The following ACSL6 variants were observed in gnomAD, a reference collection of about 807,000 sequenced individuals.
ACSL6 encodes the protein long-chain-fatty-acid--CoA ligase 6.
In ACSL6, 47 loss-of-function variants were observed where a neutral mutation model predicts 98.2. The observed-to-expected ratio is 0.48, with a 90% confidence interval of 0.38 to 0.61. The LOEUF (loss-of-function observed/expected upper bound fraction) is 0.61, where lower values mean the gene tolerates loss of function less well. ACSL6 is among the 20% of genes least tolerant of loss of function. The probability of loss-of-function intolerance (pLI) is 0.00; values close to 1 mark genes in which losing one functional copy is unlikely to be tolerated. For missense variants in ACSL6, 761 were observed against 913.4 expected (o/e 0.83, Z 2.15); for synonymous variants, 362 against 336.9 (o/e 1.07, Z -0.82).
At chr5:131,993,847 CAGA>C (rs1754651868) in intron 2 of ACSL6, 181 bp downstream of exon 2, 1 of 621,734 alleles carries the variant, frequency 1.6e-6, no homozygotes, top group South Asian at 2.0e-5. Context: ...CTGGGAGAGG[CAGA>C]AGGAGTGCCT....
rs1034493096 is a variant in ACSL6, at chr5:131,950,148, A to G, written c.*4086T>C. ...TCGATTTTTAAAAATTGAAAGTGGA[A>G]TAAGCAATTCTTCAAAAAATATCCA... On this transcript the variant is annotated 3_prime_UTR_variant, in exon 21 of 21. Coordinates refer to ENST00000651883, the MANE Select transcript of ACSL6 (RefSeq NM_001009185.3). 4 of 191,298 alleles carry G rather than the reference A, an allele frequency of 2.1e-5. No individual in the cohort carries two copies. Among genetic ancestry groups the G allele is most frequent in the Non-Finnish European group, 3.3e-5 (3 of 91,408 alleles). 11.9% of individuals were successfully genotyped at this position (191,298 alleles called of 1,614,324 possible). A position where few individuals can be genotyped will look rare whatever the true frequency, so the allele number is the denominator to read the frequency against.
intron 9 of ACSL6, among the ~76,000 whole-genome samples, chr5:131,978,488 C>G (rs1351513999): frequency 6.6e-6 from 1 of 152,154 alleles, no homozygotes; most frequent in Non-Finnish European, 1.5e-5. Flanking sequence ...GGAAAAACAT[C>G]AGAGAGGAAC....
chr5:132,011,393 A>G lies in ACSL6; in HGVS notation c.49+112T>C. The G allele has an allele frequency of 8.5e-7, 1 of 1,179,332 alleles. No homozygotes were observed. Among genetic ancestry groups the G allele is most frequent in the Admixed American group, 1.8e-5 (1 of 54,446 alleles). 73.1% of individuals were successfully genotyped at this position (1,179,332 alleles called of 1,614,324 possible). On this transcript the variant is annotated intron_variant, in intron 1 of 20. Transcript: ENST00000651883. This position sits in a 1 kb window ranked among gnomAD's most constrained non-coding sequence, Gnocchi z 5.4. ...GGGGACCTTGACGGGACAGCTCAGC[A>G]GCAGGGGATGGGGGCTCGGCGGCCG... is the stretch of plus-strand genomic sequence containing the variant.
chr5:131,955,921 T>G (rs1369043067), intron 20 of ACSL6, among the ~76,000 whole-genome samples: 1 of 152,228 alleles, frequency 6.6e-6, no homozygotes, highest in Non-Finnish European at 1.5e-5. Flanking sequence ...AATTTCTTTC[T>G]GTAGAAGCAC....
intron 1 of ACSL6, among the ~76,000 whole-genome samples, chr5:132,009,402 G>C (rs113518032): frequency 1.3e-5 from 2 of 152,244 alleles, no homozygotes; most frequent in Non-Finnish European, 2.9e-5. Flanking sequence ...TGACAAGGCA[G>C]AGCATGTTCT....
chr5:131,991,496 C>G (rs1754510883), intron 2 of ACSL6, among the ~76,000 whole-genome samples: 1 of 152,162 alleles, frequency 6.6e-6, no homozygotes, highest in Admixed American at 6.5e-5. Flanking sequence ...AAGGTTCTGT[C>G]CCAGGCACAG....
At chr5:132,011,813 G>T (rs1447590540), upstream of ACSL6, 10 of 1,479,158 alleles carry the variant, frequency 6.8e-6, no homozygotes, top group Non-Finnish European at 9.0e-6. The surrounding 1 kb of genome is among the most constrained non-coding windows in gnomAD (Gnocchi z 5.4). Context: ...GGCTTGCCCC[G>T]CACTGACCGC....
intron 1 of ACSL6, among the ~76,000 whole-genome samples, chr5:132,000,564 A>T (rs1054972889): frequency 6.6e-6 from 1 of 152,162 alleles, no homozygotes; most frequent in East Asian, 1.9e-4. Context: ...TCCATGGCTA[A>T]CATGTGGCTG....
intron 15 of ACSL6, chr5:131,968,337 G>A (rs776617921): frequency 2.1e-5 from 5 of 240,814 alleles, no homozygotes; most frequent in Non-Finnish European, 4.0e-5. Context: ...ATCAAACACA[G>A]GGTCAAGATT....
At position 131,953,654 on chromosome 5, in the gene ACSL6, A is replaced by G. The variant is rs1448221726; in HGVS notation, c.*580T>C. The G allele has an allele frequency of 9.5e-5, 18 of 189,122 alleles. No individual in the cohort carries two copies. The highest frequency in any genetic ancestry group is 2.3e-5 in the African/African-American group (1 of 42,894). 11.7% of individuals were successfully genotyped at this position (189,122 alleles called of 1,614,324 possible). Reference sequence around the variant, plus strand: ...CTGAATTTTCATTTTTCATGAATGAAAGTAAAAATCAGAGAGAAAATTTTC... The same window carrying G: ...CTGAATTTTCATTTTTCATGAATGAGAGTAAAAATCAGAGAGAAAATTTTC... On this transcript the variant is annotated 3_prime_UTR_variant, in exon 21 of 21. Transcript: ENST00000651883.
At chr5:131,977,807 G>T (rs563044760) in intron 9 of ACSL6, among the ~76,000 whole-genome samples, 2 of 152,118 alleles carry the variant, frequency 1.3e-5, no homozygotes, top group African/African-American at 4.8e-5. Context: ...CCCCTGAATT[G>T]CTCACTTTAA....
chr5:132,007,935 A>G (rs1430189707), intron 1 of ACSL6, among the ~76,000 whole-genome samples: 1 of 152,214 alleles, frequency 6.6e-6, no homozygotes, highest in Admixed American at 6.5e-5. Context: ...AGCTGAGCCA[A>G]ATTCAGCCTT....
At chr5:131,994,365 G>T (rs1168590636) in intron 1 of ACSL6, 114 bp from the exon 2 acceptor site, 4 of 886,444 alleles carry the variant, frequency 4.5e-6, no homozygotes, top group Non-Finnish European at 5.2e-6. Context: ...GGCCCTCGGG[G>T]AGTTGGGATG....
At chr5:132,000,406 T>TAGG (rs1483627436) in intron 1 of ACSL6, among the ~76,000 whole-genome samples, 1 of 151,196 alleles carries the variant, frequency 6.6e-6, no homozygotes, top group African/African-American at 2.4e-5. Context: ...CCTTGCCTAT[T>TAGG]AGGACCGAAG....
intron 18 of ACSL6, 67 bp from the exon 19 acceptor site, chr5:131,960,688 G>T: frequency 1.6e-6 from 2 of 1,279,330 alleles, no homozygotes; most frequent in African/African-American, 1.5e-5. Flanking sequence ...TTGTGGTCCA[G>T]CATTAAAATT....
chr5:131,996,373 T>C (rs1026349100), intron 1 of ACSL6, among the ~76,000 whole-genome samples: 6 of 152,162 alleles, frequency 3.9e-5, no homozygotes, highest in Admixed American at 6.5e-5. Context: ...CCTTAAGCTA[T>C]AGATGGGAAG....
At chr5:132,009,460 C>A (rs1390764179) in intron 1 of ACSL6, among the ~76,000 whole-genome samples, 1 of 152,206 alleles carries the variant, frequency 6.6e-6, no homozygotes, top group East Asian at 1.9e-4. Flanking sequence ...GTCTCTTCTG[C>A]CACCAGAGAA....
At chr5:132,005,653 G>A (rs1002921145) in intron 1 of ACSL6, among the ~76,000 whole-genome samples, 5 of 152,262 alleles carry the variant, frequency 3.3e-5, no homozygotes, top group African/African-American at 1.2e-4. Flanking sequence ...ATGGTCTGCA[G>A]CAAAGCTAAG....
intron 1 of ACSL6, among the ~76,000 whole-genome samples, chr5:132,000,013 T>G (rs1754996392): frequency 6.7e-6 from 1 of 148,280 alleles, no homozygotes; most frequent in Non-Finnish European, 1.5e-5. Context: ...GTGTAGGGGG[T>G]GGGGGGTGAC....
Sources: allele counts gnomAD v4.1 joint callset (sites outside exome capture counted in the v4.1 genomes callset), GRCh38; gene constraint gnomAD v4.1.1; non-coding constraint Gnocchi (gnomAD v3.1); transcripts MANE v1.5; gene names NCBI Gene and HGNC (gene_info 2026-07-23, HGNC 2026-07-21).